Variants in C2CD2L observed in about 807,000 individuals in gnomAD.
C2CD2L encodes the protein phospholipid transfer protein C2CD2L.
C2CD2L carries 24 observed loss-of-function variants against 69.9 expected under a neutral mutation model. That is an observed-to-expected ratio of 0.34 (90% confidence interval 0.25 to 0.48). C2CD2L has a LOEUF of 0.48. Among genes scored for constraint, C2CD2L ranks in the 20% least tolerant of loss-of-function variants. C2CD2L has a pLI of 0.99. For missense variants in C2CD2L, 811 were observed against 941.5 expected, an observed-to-expected ratio of 0.86 and a Z score of 1.81; for synonymous variants, 367 against 391.0, an observed-to-expected ratio of 0.94 and a Z score of 0.72.
chr11:119,113,177 G>T, intron 10 of C2CD2L: 1 of 479,534 alleles, frequency 2.1e-6, no homozygotes, highest in South Asian at 2.7e-5. Context: ...GGTGTCCTTA[G>T]CCCCAGCTGA....
At chr11:119,115,161 A>T (rs1197285862) in intron 13 of C2CD2L, 3 of 150,222 alleles carry the variant, frequency 2.0e-5, no homozygotes, top group African/African-American at 7.4e-5. Context: ...AGGCTGAGGC[A>T]GGAGAATCGC....
In C2CD2L at chr11:119,112,696, G is replaced by A. The variant is rs774972096; in HGVS notation, c.1213-4G>A. ...TGTCTCTTCTCTCTCCCACCCCTGG[G>A]CAGCTTCACTATGAGGAGGGCTCTC... On this transcript the variant is annotated splice_polypyrimidine_tract_variant and splice_region_variant and intron_variant, in intron 9 of 13. Coordinates refer to ENST00000648610, the MANE Select transcript of C2CD2L (RefSeq NM_001290474.2). 26 of 1,612,970 alleles carry A rather than the reference G, an allele frequency of 1.6e-5. No individual in the cohort carries two copies. Among genetic ancestry groups the A allele is most frequent in the African/African-American group, 2.7e-5 (2 of 74,862 alleles).
rs371942666 is a variant in C2CD2L, at chr11:119,110,874, G to A, written c.598G>A (p.Gly200Ser). 19 of 1,614,018 alleles carry A rather than the reference G, an allele frequency of 1.2e-5. No homozygotes were observed. The highest frequency in any genetic ancestry group is 1.5e-5 in the Non-Finnish European group (18 of 1,179,988). The change falls in exon 4 of 14, where the codon GGT (glycine) becomes AGT (serine). Residue 200 changes from glycine to serine, a missense_variant. Gly to Ser is a moderately conservative substitution (Grantham distance 56). Transcript: ENST00000648610. This position sits in a 1 kb window ranked among gnomAD's most constrained non-coding sequence, Gnocchi z 5.7. ...QLEVNLEEIP[G>S]EGLLISWAFT... The stretch of plus-strand genomic sequence containing the variant: ...GGAAGTCAACCTGGAGGAAATCCCT[G>A]GTGAGGGGCTGCTCATATCCTGGGC...
chr11:119,112,970 A>C (rs185881017), intron 10 of C2CD2L, 96 bp downstream of exon 10: 1 of 1,019,632 alleles, frequency 9.8e-7, no homozygotes, highest in East Asian at 2.5e-5. Flanking sequence ...CTTAATTCCA[A>C]CTCCCCCTGT....
rs763360089 is a variant in C2CD2L at position 119,112,571 on chromosome 11, G to C, written c.1174G>C (p.Gly392Arg). The C allele has an allele frequency of 6.2e-7, 1 of 1,612,386 alleles. No homozygotes were observed. Among genetic ancestry groups the C allele is most frequent in the Non-Finnish European group, 8.5e-7 (1 of 1,179,630 alleles). The part of the protein sequence containing the change: ...RQLCPLTPGP[G>R]KALGPAATMA... ...GTTGTGCCCACTCACCCCAGGGCCA[G>C]GGAAAGCCCTGGGACCAGCAGCCAC... Residue 392 changes from glycine to arginine, a missense_variant, in exon 9 of 14, where the codon GGG (glycine) becomes CGG (arginine). Gly to Arg is a moderately radical substitution (Grantham distance 125). Transcript: ENST00000648610.
At chr11:119,113,776 C>G in intron 11 of C2CD2L, 64 bp downstream of exon 11, 1 of 1,612,688 alleles carries the variant, frequency 6.2e-7, no homozygotes, top group African/African-American at 1.3e-5. Context: ...AAAAAGTACT[C>G]TGGGTGGGAT....
At chr11:119,111,220 C>A (rs1565774366) in intron 5 of C2CD2L, 43 bp from the exon 6 acceptor site, 2 of 1,610,142 alleles carry the variant, frequency 1.2e-6, no homozygotes, top group Non-Finnish European at 8.5e-7. Flanking sequence ...TCCTAGGGTG[C>A]TATGTCAGGA....
Position 119,114,042 on chromosome 11 carries a change from G to A in C2CD2L, c.1624-38G>A, listed in dbSNP as rs758751473. Reference sequence around the variant, plus strand: ...GATGGGGAGAAAGCCCTAATGGGTCGGTCACTCCTGCCCATTAAAACCCGT... The same window carrying A: ...GATGGGGAGAAAGCCCTAATGGGTCAGTCACTCCTGCCCATTAAAACCCGT... On this transcript the variant is annotated intron_variant, in intron 12 of 13. Transcript: ENST00000648610. The surrounding 1 kb of genome is among the most constrained non-coding windows in gnomAD (Gnocchi z 5.1). The A allele has an allele frequency of 1.1e-5, 18 of 1,613,218 alleles. No individual in the cohort carries two copies. The East Asian group carries it at 1.6e-4, about 14-fold the overall frequency.
rs1946667083 is a variant in C2CD2L, at chr11:119,109,047, C to T, written c.354+952C>T. On this transcript the variant is annotated intron_variant, in intron 1 of 13. Coordinates refer to ENST00000648610, the MANE Select transcript of C2CD2L (RefSeq NM_001290474.2). The surrounding 1 kb of genome is among the most constrained non-coding windows in gnomAD (Gnocchi z 5.1). ...TTACACCTTGAACCCACCTCTTCAT[C>T]CAACTCTCCCTGTACCTTGTCCCTC... Among the ~76,000 whole-genome samples the T allele has an allele frequency of 6.6e-6, 1 of 152,218 alleles. No homozygotes were observed. The highest frequency in any genetic ancestry group is 6.5e-5 in the Admixed American group (1 of 15,284).
rs561775619 is a variant in C2CD2L, at chr11:119,113,165, C to T, written c.1387+291C>T. The T allele has an allele frequency of 6.2e-5, 31 of 500,242 alleles. 1 individual carries two copies. In the South Asian group the frequency reaches 6.3e-4, roughly 10 times the overall value. The allele number at this position is 500,242 out of a possible 1,614,324, so 31.0% of individuals were successfully genotyped here. A position where few individuals can be genotyped will look rare whatever the true frequency, so the allele number is the denominator to read the frequency against. On this transcript the variant is annotated intron_variant, in intron 10 of 13. Transcript: ENST00000648610. Reference sequence around the variant, plus strand: ...TTCCAGCTTCCCCTCTGGCTTTTCACAGGTGTCCTTAGCCCCAGCTGACTA... The same window carrying T: ...TTCCAGCTTCCCCTCTGGCTTTTCATAGGTGTCCTTAGCCCCAGCTGACTA...
upstream of C2CD2L, among the ~76,000 whole-genome samples, chr11:119,103,098 T>A (rs1946535310): frequency 6.6e-6 from 1 of 151,908 alleles, no homozygotes; most frequent in African/African-American, 2.4e-5. Context: ...CCTATGTTGG[T>A]CAGGCTGGTT....
At position 119,110,323 on chromosome 11, in the gene C2CD2L, C is replaced by T; in HGVS notation, c.450+124C>T. ...GCCTTATGGATCTAAGGATTGGTTT[C>T]AGGAAGTCTGAGAATCCCATTGAAG... On this transcript the variant is annotated intron_variant, in intron 2 of 13. Transcript: ENST00000648610. The surrounding 1 kb of genome is among the most constrained non-coding windows in gnomAD (Gnocchi z 5.7). 1.2e-6 allele frequency: 1 copy of T among 836,550 alleles called. No homozygotes were observed. Among genetic ancestry groups the T allele is most frequent in the Non-Finnish European group, 1.9e-6 (1 of 533,132 alleles). The allele number at this position is 836,550 out of a possible 1,614,324, so 51.8% of individuals were successfully genotyped here.
At chr11:119,103,324 C>T (rs984274462), upstream of C2CD2L, among the ~76,000 whole-genome samples, 6 of 152,232 alleles carry the variant, frequency 3.9e-5, no homozygotes, top group African/African-American at 1.2e-4. Context: ...TTTGTCCACT[C>T]TTCCCTCTAT....
Position 119,110,538 on chromosome 11 carries a change from C to A in C2CD2L, c.451-23C>A. On this transcript the variant is annotated intron_variant, in intron 2 of 13. Coordinates refer to ENST00000648610, the MANE Select transcript of C2CD2L (RefSeq NM_001290474.2). The surrounding 1 kb of genome is among the most constrained non-coding windows in gnomAD (Gnocchi z 5.7). Reference sequence around the variant, plus strand: ...CAGGGTGAGCACCCTTCCCCCACATCTGACCCACCTCGCCGGTCTCAGGTG... The same window carrying A: ...CAGGGTGAGCACCCTTCCCCCACATATGACCCACCTCGCCGGTCTCAGGTG... 2 of 1,601,386 alleles carry A rather than the reference C, an allele frequency of 1.2e-6. No homozygotes were observed. The highest frequency in any genetic ancestry group is 1.7e-5 in the Admixed American group (1 of 59,472).
In C2CD2L at chr11:119,112,556, C is replaced by CTT. The variant is rs1565775531; in HGVS notation, c.1160_1161insTT (p.Thr388SerfsTer72). ...ACTGTCTCGAAGACAGTTGTGCCCACTCACCCCAGGGCCAGGGAAAGCCCT... is the reference window on the plus strand; with the variant it reads ...ACTGTCTCGAAGACAGTTGTGCCCACTTTCACCCCAGGGCCAGGGAAAGCCCT... On this transcript the variant is annotated frameshift_variant, in exon 9 of 14. Coordinates refer to ENST00000648610, the MANE Select transcript of C2CD2L (RefSeq NM_001290474.2). LOFTEE classifies it high-confidence loss of function. 6 of 1,613,114 alleles carry CTT rather than the reference C, an allele frequency of 3.7e-6. No homozygotes were observed. The highest frequency in any genetic ancestry group is 5.1e-6 in the Non-Finnish European group (6 of 1,179,792).
Position 119,112,732 on chromosome 11 carries a change from G to A in C2CD2L, c.1245G>A (p.Leu415=). 6.2e-7 allele frequency: 1 copy of A among 1,613,798 alleles called. No individual in the cohort carries two copies. The highest frequency in any genetic ancestry group is 2.2e-5 in the East Asian group (1 of 44,876). ...LHYEEGSPRN[L]GTPTSSTPRP... ...ATGAGGAGGGCTCTCCCCGGAACCT[G>A]GGTACTCCCACCTCCTCCACTCCAC... is the stretch of plus-strand genomic sequence containing the variant. Residue 415 remains leucine, a synonymous_variant, in exon 10 of 14, where the codon CTG becomes CTA. Coordinates refer to ENST00000648610, the MANE Select transcript of C2CD2L (RefSeq NM_001290474.2).
rs1946936704 is a variant in C2CD2L, at chr11:119,118,145, T to G, written c.*1889T>G. 6.6e-6 allele frequency: 1 copy of G among 152,122 alleles called. No homozygotes were observed. The highest frequency in any genetic ancestry group is 6.5e-5 in the Admixed American group (1 of 15,270). 9.4% of individuals were successfully genotyped at this position (152,122 alleles called of 1,614,324 possible). A position where few individuals can be genotyped will look rare whatever the true frequency, so the allele number is the denominator to read the frequency against. ...AGTGCAGGTTTCTTACATGCATATA[T>G]TGCATGCATAGAGGTGAAGTCTGGG... On this transcript the variant is annotated 3_prime_UTR_variant, in exon 14 of 14. Coordinates refer to ENST00000648610, the MANE Select transcript of C2CD2L (RefSeq NM_001290474.2).
At position 119,110,230 on chromosome 11, in the gene C2CD2L, G is replaced by A. The variant is rs745813288; in HGVS notation, c.450+31G>A. On this transcript the variant is annotated intron_variant, in intron 2 of 13. Coordinates refer to ENST00000648610, the MANE Select transcript of C2CD2L (RefSeq NM_001290474.2). The surrounding 1 kb of genome is among the most constrained non-coding windows in gnomAD (Gnocchi z 5.7). The stretch of plus-strand genomic sequence containing the variant: ...GGTCTGATGGGCACTGCCCTCTTTG[G>A]GGTCCAAGAAGGACTGACCCCAAGG... 1.2e-5 allele frequency: 19 copies of A among 1,529,964 alleles called. No homozygotes were observed. The African/African-American group carries it at 2.5e-4, about 20-fold the overall frequency. The allele number at this position is 1,529,964 out of a possible 1,614,324, so 94.8% of individuals were successfully genotyped here. A position where few individuals can be genotyped will look rare whatever the true frequency, so the allele number is the denominator to read the frequency against.
intron 13 of C2CD2L, chr11:119,115,639 C>T (rs1946866229): frequency 3.5e-6 from 1 of 282,460 alleles, no homozygotes; most frequent in African/African-American, 2.2e-5. Context: ...GTCAACCTAC[C>T]TTTCCCTTCA....
Sources: allele counts gnomAD v4.1 joint callset (sites outside exome capture counted in the v4.1 genomes callset), GRCh38; gene constraint gnomAD v4.1.1; non-coding constraint Gnocchi (gnomAD v3.1); transcripts MANE v1.5; gene names NCBI Gene and HGNC (gene_info 2026-07-23, HGNC 2026-07-21).